The following PCBP3 variants were observed in gnomAD, a reference collection of about 807,000 sequenced individuals.
PCBP3 encodes poly(rC) binding protein 3.
In PCBP3, 25 loss-of-function variants were observed where a neutral mutation model predicts 52.7. The observed-to-expected ratio is 0.47, with a 90% CI of 0.35 to 0.66. The LOEUF (loss-of-function observed/expected upper bound fraction) is 0.66, where lower values mean the gene tolerates loss of function less well. Ranked by LOEUF, PCBP3 falls within the 30% of genes least tolerant of loss-of-function variation. PCBP3 has a pLI of 0.01. For missense variants in PCBP3, 391 were observed against 490.3 expected (o/e 0.80, Z 1.91); for synonymous variants, 162 against 183.0 (o/e 0.89, Z 0.93).
At chr21:45,906,207 A>G (rs2096200086) in intron 9 of PCBP3, among the ~76,000 whole-genome samples, 2 of 152,198 alleles carry the variant, frequency 1.3e-5, no homozygotes, top group Non-Finnish European at 2.9e-5. Context: ...ACCCACCACC[A>G]TGAAGCACGT....
chr21:45,672,782 G>A (rs1022330143), intron 2 of PCBP3, among the ~76,000 whole-genome samples: 3 of 152,046 alleles, frequency 2.0e-5, no homozygotes, highest in African/African-American at 4.8e-5. Context: ...ATGTTCAGTC[G>A]CATATCTTAC....
At chr21:45,860,215 G>A (rs1467697165) in intron 5 of PCBP3, among the ~76,000 whole-genome samples, 1 of 152,204 alleles carries the variant, frequency 6.6e-6, no homozygotes, top group Non-Finnish European at 1.5e-5. Flanking sequence ...CCTTCCTGTG[G>A]CTTCCAAGTC....
chr21:45,911,381 T>C (rs541968622), intron 11 of PCBP3: 16 of 194,282 alleles, frequency 8.2e-5, no homozygotes, highest in African/African-American at 2.7e-4. Context: ...TACGTTGGAG[T>C]CAGGCCTTGG....
chr21:45,909,190 G>A (rs1255393150), intron 9 of PCBP3, among the ~76,000 whole-genome samples, 165 bp from the exon 10 acceptor site: 4 of 151,964 alleles, frequency 2.6e-5, no homozygotes, highest in South Asian at 2.1e-4. Context: ...TTTCAGCGAC[G>A]TCTCCTGGTC....
intron 4 of PCBP3, among the ~76,000 whole-genome samples, chr21:45,832,432 GGTCTCA>G (rs2093474789): frequency 6.6e-6 from 1 of 152,146 alleles, no homozygotes; most frequent in Non-Finnish European, 1.5e-5. Flanking sequence ...CAGCCCAACA[GGTCTCA>G]GCCTTATTTT....
At chr21:45,797,681 C>CATGG (rs1603430855) in intron 4 of PCBP3, among the ~76,000 whole-genome samples, 71 of 148,830 alleles carry the variant, frequency 4.8e-4, no homozygotes, top group East Asian at 8.1e-4. Flanking sequence ...AGAGTGAATG[C>CATGG]ATAGATGGAC....
chr21:45,749,428 TG>T (rs1569180267), intron 3 of PCBP3: 3 of 152,086 alleles, frequency 2.0e-5, no homozygotes, highest in Non-Finnish European at 4.4e-5. Flanking sequence ...AAGATGGCAT[TG>T]GACTTGGCAC....
chr21:45,681,180 G>T (rs1026782475), intron 2 of PCBP3, among the ~76,000 whole-genome samples: 1 of 152,170 alleles, frequency 6.6e-6, no homozygotes, highest in Non-Finnish European at 1.5e-5. Flanking sequence ...CTACAATGGG[G>T]ATTTAGTTTC....
At chr21:45,849,184 G>T (rs770601612) in intron 4 of PCBP3, among the ~76,000 whole-genome samples, 1 of 149,168 alleles carries the variant, frequency 6.7e-6, no homozygotes. Flanking sequence ...TTCTCCCAAG[G>T]TTCCAAATAT....
intron 4 of PCBP3, among the ~76,000 whole-genome samples, chr21:45,838,237 A>G (rs2093631200): frequency 6.6e-6 from 1 of 152,180 alleles, no homozygotes; most frequent in South Asian, 2.1e-4. Flanking sequence ...TTCTTTACTC[A>G]AACTGTTCTG....
chr21:45,646,101 C>CTG (rs1409409428), intron 1 of PCBP3, among the ~76,000 whole-genome samples: 1,037 of 76,306 alleles, frequency 0.014, 7 homozygotes, highest in Non-Finnish European at 0.024. Context: ...CTCTCTCTCT[C>CTG]TCTCTCTGTG....
Position 45,646,107 on chromosome 21 carries a change from C to CTCTCTCTCTG in PCBP3, c.-279+2240_-279+2241insCTCTCTCTGT, listed in dbSNP as rs1555895746. 3.4e-3 allele frequency among the ~76,000 whole-genome samples: 286 copies of CTCTCTCTCTG among 83,790 alleles called. 1 individual carries two copies. Among genetic ancestry groups the CTCTCTCTCTG allele is most frequent in the Non-Finnish European group, 5.3e-3 (235 of 44,024 alleles). 55.0% of individuals were successfully genotyped at this position (83,790 alleles called of 152,430 possible). A position where few individuals can be genotyped will look rare whatever the true frequency, so the allele number is the denominator to read the frequency against. On this transcript the variant is annotated intron_variant, in intron 1 of 17. Transcript: ENST00000681687. ...TTTCTCTCTCTCTCTCTCTCTCTCT[C>CTCTCTCTCTG]TGTGTGTGTGTGTGTGTGTGTGTGT...
intron 4 of PCBP3, among the ~76,000 whole-genome samples, chr21:45,814,749 ATGAG>A (rs1569258850): frequency 6.2e-5 from 5 of 80,964 alleles, no homozygotes; most frequent in East Asian, 4.6e-4. Context: ...GTGGTGAGTG[ATGAG>A]TGAGTGGTGA....
At chr21:45,832,073 C>T (rs530865248) in intron 4 of PCBP3, among the ~76,000 whole-genome samples, 1 of 152,132 alleles carries the variant, frequency 6.6e-6, no homozygotes. Context: ...AGAGCAGCCC[C>T]GAGGGCTGCT....
intron 2 of PCBP3, among the ~76,000 whole-genome samples, chr21:45,686,313 A>G (rs569202285): frequency 1.3e-5 from 2 of 152,328 alleles, no homozygotes; most frequent in Admixed American, 1.3e-4. Context: ...CACCAAGGCA[A>G]TCAGTAGAGG....
chr21:45,905,498 G>C (rs1292199977), intron 9 of PCBP3, among the ~76,000 whole-genome samples: 1 of 152,254 alleles, frequency 6.6e-6, no homozygotes, highest in East Asian at 1.9e-4. Context: ...CAGGTCAGCG[G>C]CAGCACACTG....
chr21:45,679,732 A>G (rs1361771670), intron 2 of PCBP3, among the ~76,000 whole-genome samples: 1 of 152,158 alleles, frequency 6.6e-6, no homozygotes, highest in Non-Finnish European at 1.5e-5. Context: ...AATTTTGATG[A>G]AGTGCATATT....
intron 9 of PCBP3, among the ~76,000 whole-genome samples, chr21:45,903,627 G>A (rs1443518790): frequency 1.3e-5 from 2 of 152,202 alleles, no homozygotes; most frequent in Non-Finnish European, 2.9e-5. Flanking sequence ...ATCATAAAGT[G>A]AAAAGAAAAT....
At chr21:45,793,801 T>A (rs1202630299) in intron 4 of PCBP3, among the ~76,000 whole-genome samples, 1 of 152,168 alleles carries the variant, frequency 6.6e-6, no homozygotes, top group Non-Finnish European at 1.5e-5. Flanking sequence ...GAAAAATGAT[T>A]TCAAACCTGG....
Sources: allele counts gnomAD v4.1 joint callset (sites outside exome capture counted in the v4.1 genomes callset), GRCh38; gene constraint gnomAD v4.1.1; transcripts MANE v1.5; gene names NCBI Gene and HGNC (gene_info 2026-07-23, HGNC 2026-07-21).